The following TRHDE variants were observed in gnomAD, a reference collection of about 807,000 sequenced individuals.
TRHDE encodes thyrotropin-releasing hormone-degrading ectoenzyme.
A neutral mutation model predicts 125.7 loss-of-function variants in TRHDE; 72 were observed. The observed-to-expected ratio is 0.57, with a 90% CI of 0.47 to 0.70. The LOEUF (loss-of-function observed/expected upper bound fraction) is 0.70. Among genes scored for constraint, TRHDE ranks in the 30% least tolerant of loss-of-function variants. The pLI, the probability that TRHDE is intolerant of heterozygous loss-of-function variation, is 0.00. For synonymous variants in TRHDE, 509 were observed against 509.1 expected, an observed-to-expected ratio of 1.00 and a Z score of 0.00; for missense variants, 1,110 against 1,327.1, an observed-to-expected ratio of 0.84 and a Z score of 2.54.
rs758184448 is a variant in TRHDE at position 72,499,482 on chromosome 12, G to T, written c.1585-16G>T. The T allele has an allele frequency of 1.9e-6, 3 of 1,612,358 alleles. No individual in the cohort carries two copies. In the South Asian group the frequency reaches 3.3e-5, roughly 18 times the overall value. On this transcript the variant is annotated splice_polypyrimidine_tract_variant and intron_variant, in intron 5 of 18. Coordinates refer to ENST00000261180, the MANE Select transcript of TRHDE (RefSeq NM_013381.3). ...TATGAATCACCTATGATATTGCCCC[G>T]TCTGCTGTATTGCAGGAAAAGCAGA...
At chr12:72,359,601 G>A (rs571613554) in intron 2 of TRHDE, among the ~76,000 whole-genome samples, 6 of 151,630 alleles carry the variant, frequency 4.0e-5, no homozygotes, top group Non-Finnish European at 5.9e-5. Flanking sequence ...TAGAAGTTGC[G>A]CAAGGCTTAT....
chr12:72,148,430 C>T (rs933970424), intron 2 of TRHDE, among the ~76,000 whole-genome samples: 4 of 152,150 alleles, frequency 2.6e-5, no homozygotes, highest in African/African-American at 9.7e-5. Flanking sequence ...CAAATTTCAT[C>T]CATAAATCAG....
chr12:72,259,483 A>G (rs1048051382), intron 2 of TRHDE, among the ~76,000 whole-genome samples: 1 of 152,184 alleles, frequency 6.6e-6, no homozygotes, highest in Non-Finnish European at 1.5e-5. Flanking sequence ...GCATTTAGAA[A>G]TCAAGACTGG....
intron 3 of TRHDE, among the ~76,000 whole-genome samples, chr12:72,414,748 C>G (rs1388456812): frequency 6.6e-6 from 1 of 152,012 alleles, no homozygotes; most frequent in Non-Finnish European, 1.5e-5. Context: ...TGATCTCTTC[C>G]TAGTATCTTC....
chr12:72,321,891 A>C (rs893288211), intron 2 of TRHDE, among the ~76,000 whole-genome samples: 19 of 151,898 alleles, frequency 1.3e-4, no homozygotes, highest in East Asian at 1.9e-4. Flanking sequence ...ACACACACAC[A>C]CCCCCTAAGA....
chr12:72,286,647 A>G (rs1389821146), intron 1 of TRHDE, 34 bp from the exon 2 acceptor site: 3 of 1,594,850 alleles, frequency 1.9e-6, no homozygotes, highest in Middle Eastern at 3.3e-4. Context: ...TCACAACATA[A>G]ATGTAATTGA....
intron 2 of TRHDE, among the ~76,000 whole-genome samples, chr12:72,110,735 G>A (rs1057225042): frequency 2.0e-5 from 3 of 152,092 alleles, no homozygotes; most frequent in Admixed American, 6.6e-5. Context: ...TGAACTGTGG[G>A]TAGGAGATTT....
At chr12:72,594,931 C>T (rs891158411) in intron 12 of TRHDE, among the ~76,000 whole-genome samples, 2 of 151,522 alleles carry the variant, frequency 1.3e-5, no homozygotes, top group African/African-American at 4.9e-5. Context: ...TACCATGCAG[C>T]CATAAAAAAG....
chr12:72,286,224 A>G (rs1879881040), intron 1 of TRHDE, among the ~76,000 whole-genome samples: 1 of 152,222 alleles, frequency 6.6e-6, no homozygotes, highest in Admixed American at 6.5e-5. Flanking sequence ...TCTTGTTGAA[A>G]TTTTAGGGCA....
In TRHDE at chr12:72,094,675, T is replaced by C. The variant is rs148050280; in HGVS notation, n.174+7236T>C. Among the ~76,000 whole-genome samples, 5 of 152,318 alleles carry C rather than the reference T, an allele frequency of 3.3e-5. 1 individual carries two copies. In the East Asian group the frequency reaches 9.7e-4, roughly 29 times the overall value. On this transcript the variant is annotated intron_variant and non_coding_transcript_variant, in intron 1 of 4. Transcript: ENST00000548156. ...GCAGGTCTGTCATGCAAAACATTAGTAGGCATGACTGCATCTGGGTTCCTG... is the reference window on the plus strand; with the variant it reads ...GCAGGTCTGTCATGCAAAACATTAGCAGGCATGACTGCATCTGGGTTCCTG...
chr12:72,288,245 G>T (rs988612353), intron 2 of TRHDE, among the ~76,000 whole-genome samples: 3 of 152,102 alleles, frequency 2.0e-5, no homozygotes, highest in African/African-American at 7.2e-5. Context: ...GTAGGAAGTT[G>T]ATAGCTCTAA....
intron 5 of TRHDE, among the ~76,000 whole-genome samples, chr12:72,479,610 T>TA (rs1006431143): frequency 7.5e-4 from 113 of 150,974 alleles, no homozygotes; most frequent in Non-Finnish European, 1.4e-3. Flanking sequence ...AGCTGAAAAT[T>TA]AAAAAAATTA....
At chr12:72,203,949 T>A (rs1231525614) in intron 2 of TRHDE, among the ~76,000 whole-genome samples, 2 of 152,228 alleles carry the variant, frequency 1.3e-5, no homozygotes, top group East Asian at 3.8e-4. Flanking sequence ...CATCGGCTTA[T>A]GTCATTATAT....
intron 2 of TRHDE, among the ~76,000 whole-genome samples, chr12:72,219,636 A>G (rs1448886821): frequency 6.6e-6 from 1 of 152,146 alleles, no homozygotes; most frequent in African/African-American, 2.4e-5. Context: ...ACAAAAACAG[A>G]AGATGTTGAT....
chr12:72,364,302 A>C (rs913163452), intron 2 of TRHDE, among the ~76,000 whole-genome samples: 1 of 152,206 alleles, frequency 6.6e-6, no homozygotes, highest in East Asian at 1.9e-4. Context: ...CATTCCTGTC[A>C]GAAACCTATA....
At chr12:72,597,713 G>GTATATATATATATA (rs762515309) in intron 12 of TRHDE, among the ~76,000 whole-genome samples, 12 of 18,462 alleles carry the variant, frequency 6.5e-4, no homozygotes, top group Non-Finnish European at 8.2e-4. Flanking sequence ...GTGTGTGTAT[G>GTATATATATATATA]TATATATATA....
At chr12:72,640,073 C>T (rs1225860617) in intron 15 of TRHDE, among the ~76,000 whole-genome samples, 1 of 152,208 alleles carries the variant, frequency 6.6e-6, no homozygotes, top group Non-Finnish European at 1.5e-5. Context: ...CTAAGCAAGC[C>T]TGGGCAATGG....
At chr12:72,252,211 A>C (rs1202390171) in intron 2 of TRHDE, among the ~76,000 whole-genome samples, 2 of 152,070 alleles carry the variant, frequency 1.3e-5, no homozygotes, top group Admixed American at 6.6e-5. Context: ...TTATTTGCCT[A>C]GTCCTAGATC....
chr12:72,613,516 G>A (rs1872704354), intron 12 of TRHDE, among the ~76,000 whole-genome samples: 1 of 152,088 alleles, frequency 6.6e-6, no homozygotes. Context: ...AATTTAATTT[G>A]GTTTAAGGAA....
Sources: allele counts gnomAD v4.1 joint callset (sites outside exome capture counted in the v4.1 genomes callset), GRCh38; gene constraint gnomAD v4.1.1; transcripts MANE v1.5; gene names NCBI Gene and HGNC (gene_info 2026-07-23, HGNC 2026-07-21).